The following FRMD5 variants were observed in gnomAD, a reference collection of about 807,000 sequenced individuals.
FRMD5 encodes the protein FERM domain-containing protein 5.
A neutral mutation model predicts 69.0 loss-of-function variants in FRMD5; 20 were observed. The observed-to-expected ratio is 0.29, with a 90% CI of 0.20 to 0.42. The LOEUF (loss-of-function observed/expected upper bound fraction) is 0.42. Among genes scored for constraint, FRMD5 ranks in the 10% least tolerant of loss-of-function variants. The pLI is 1.00. For synonymous variants in FRMD5, 271 were observed against 260.1 expected, an observed-to-expected ratio of 1.04 and a Z score of -0.40; for missense variants, 595 against 708.6, an observed-to-expected ratio of 0.84 and a Z score of 1.82.
Position 43,873,306 on chromosome 15 carries a change from A to C in FRMD5, c.*579T>G. ...GCAACTTTCCATTTAATCATTCTAC[A>C]TGGATGTTTACTTTTTTAAAAGTTC... On this transcript the variant is annotated 3_prime_UTR_variant, in exon 14 of 14. Transcript: ENST00000417257. The C allele has an allele frequency of 6.6e-7, 1 of 1,516,378 alleles. No homozygotes were observed. The highest frequency in any genetic ancestry group is 8.8e-7 in the Non-Finnish European group (1 of 1,136,454). The allele number at this position is 1,516,378 out of a possible 1,614,324, so 93.9% of individuals were successfully genotyped here.
intron 1 of FRMD5, among the ~76,000 whole-genome samples, chr15:43,965,691 C>G (rs528022423): frequency 1.3e-5 from 2 of 150,450 alleles, no homozygotes; most frequent in African/African-American, 4.9e-5. Context: ...AAGCGATTCT[C>G]CTGCCTCAGC....
At position 43,883,830 on chromosome 15, in the gene FRMD5, C is replaced by T. The variant is rs774832081; in HGVS notation, c.1029-21G>A. 4.4e-6 allele frequency: 7 copies of T among 1,584,078 alleles called. No individual in the cohort carries two copies. The Admixed American group carries it at 8.3e-5, about 19-fold the overall frequency. ...CTGCTCTGAGGTTAAAGAAAAAGAA[C>T]CTTGTTAATTCAGTGCATGGACACA... is the stretch of plus-strand genomic sequence containing the variant. On this transcript the variant is annotated intron_variant, in intron 12 of 13. Coordinates refer to ENST00000417257, the MANE Select transcript of FRMD5 (RefSeq NM_032892.5).
chr15:43,885,622 G>GT, intron 11 of FRMD5, 59 bp downstream of exon 11: 1 of 1,422,210 alleles, frequency 7.0e-7, no homozygotes, highest in Non-Finnish European at 1.0e-6. Flanking sequence ...GGACCACTGA[G>GT]TTCTCCAGAG....
At chr15:43,882,434 C>T (rs1480280780) in intron 13 of FRMD5, among the ~76,000 whole-genome samples, 1 of 152,142 alleles carries the variant, frequency 6.6e-6, no homozygotes, top group Non-Finnish European at 1.5e-5. Context: ...TCTCAGCTCA[C>T]TGCAACCTCC....
At chr15:43,914,970 G>A (rs917952465) in intron 4 of FRMD5, among the ~76,000 whole-genome samples, 11 of 151,958 alleles carry the variant, frequency 7.2e-5, no homozygotes, top group African/African-American at 2.4e-4. Context: ...CAGGTGATCC[G>A]CCCACCTCAG....
chr15:43,992,965 T>G (rs1036843280), intron 1 of FRMD5, among the ~76,000 whole-genome samples: 2 of 152,286 alleles, frequency 1.3e-5, no homozygotes, highest in East Asian at 3.9e-4. Context: ...TGTATTCTAT[T>G]TTTGTCTCAA....
At chr15:44,128,571 G>T (rs1045150878) in intron 1 of FRMD5, among the ~76,000 whole-genome samples, 3 of 152,130 alleles carry the variant, frequency 2.0e-5, no homozygotes, top group Non-Finnish European at 4.4e-5. Flanking sequence ...TATATGGTAG[G>T]CATACATCAC....
chr15:43,898,299 C>G (rs965474572), intron 7 of FRMD5, among the ~76,000 whole-genome samples: 1 of 152,132 alleles, frequency 6.6e-6, no homozygotes, highest in Non-Finnish European at 1.5e-5. Flanking sequence ...TTACCCAGTA[C>G]CTTTGGGCAT....
intron 1 of FRMD5, among the ~76,000 whole-genome samples, chr15:44,127,338 C>T (rs935336631): frequency 2.6e-5 from 4 of 152,200 alleles, no homozygotes; most frequent in African/African-American, 9.7e-5. Context: ...GTGATCTGCC[C>T]GCCTTGATGT....
chr15:44,172,838 A>G (rs557945677), intron 1 of FRMD5, among the ~76,000 whole-genome samples: 1 of 152,256 alleles, frequency 6.6e-6, no homozygotes, highest in Non-Finnish European at 1.5e-5. Context: ...TTAACCAGGA[A>G]GAAAAGGAAA....
At chr15:44,117,991 C>CTTTTTTTTTT (rs747747488) in intron 1 of FRMD5, among the ~76,000 whole-genome samples, 23 of 92,648 alleles carry the variant, frequency 2.5e-4, no homozygotes, top group African/African-American at 7.9e-4. Context: ...TTCTTTTTTA[C>CTTTTTTTTTT]TTTTTTTTTT....
chr15:43,963,348 C>T (rs1031833367), intron 1 of FRMD5, among the ~76,000 whole-genome samples: 9 of 152,134 alleles, frequency 5.9e-5, no homozygotes, highest in African/African-American at 2.2e-4. Context: ...AAATCAAAAC[C>T]ACAATGAGAT....
intron 1 of FRMD5, among the ~76,000 whole-genome samples, chr15:44,130,433 T>G (rs1418708545): frequency 6.6e-6 from 1 of 152,196 alleles, no homozygotes; most frequent in African/African-American, 2.4e-5. Flanking sequence ...GTGAGACACC[T>G]GGCTCACTAG....
intron 1 of FRMD5, among the ~76,000 whole-genome samples, chr15:44,026,442 A>G (rs1355574023): frequency 1.3e-5 from 2 of 152,168 alleles, no homozygotes; most frequent in African/African-American, 4.8e-5. Flanking sequence ...CTCATGTTCT[A>G]TCTAGTTTTT....
chr15:44,029,737 C>A (rs561358457), intron 1 of FRMD5, among the ~76,000 whole-genome samples: 1 of 152,252 alleles, frequency 6.6e-6, no homozygotes, highest in Non-Finnish European at 1.5e-5. Flanking sequence ...ATTAAAATTA[C>A]CTATCAGGCT....
chr15:44,192,421 C>T (rs2078212238), intron 1 of FRMD5, among the ~76,000 whole-genome samples: 1 of 152,250 alleles, frequency 6.6e-6, no homozygotes, highest in Admixed American at 6.5e-5. Flanking sequence ...AAAAATATGG[C>T]ATACAACACT....
intron 1 of FRMD5, among the ~76,000 whole-genome samples, chr15:44,073,406 T>C (rs1446643862): frequency 1.3e-5 from 2 of 152,206 alleles, no homozygotes; most frequent in Admixed American, 1.3e-4. Context: ...ATAAGTGCTG[T>C]AGCAAATGGA....
chr15:43,888,206 T>C lies in FRMD5; in HGVS notation c.853A>G (p.Lys285Glu). The C allele has an allele frequency of 6.2e-7, 1 of 1,614,066 alleles. No individual in the cohort carries two copies. Among genetic ancestry groups the C allele is most frequent in the Non-Finnish European group, 8.5e-7 (1 of 1,179,906 alleles). ...AAGGCTTGGTTCTCGATTCCACATT[T>C]CCAGAGGTGCTTACACGCTTCAGGA... is the stretch of plus-strand genomic sequence containing the variant. ...PTPEACKHLWKCGIENQAFYK... is the reference protein window; with the variant it reads ...PTPEACKHLWECGIENQAFYK... The change falls in exon 10 of 14, where the codon AAA (lysine) becomes GAA (glutamate). Residue 285 changes from lysine to glutamate, a missense_variant. Physicochemically the swap from Lys to Glu is moderately conservative, Grantham distance 56. Coordinates refer to ENST00000417257, the MANE Select transcript of FRMD5 (RefSeq NM_032892.5).
chr15:43,989,832 C>T, intron 1 of FRMD5: 2 of 1,031,578 alleles, frequency 1.9e-6, no homozygotes, highest in Non-Finnish European at 3.0e-6. Flanking sequence ...GGGTCATCTT[C>T]TTGTGGTTGG....
Sources: gnomAD v4.1 joint callset for allele counts (sites outside exome capture counted in the v4.1 genomes callset) on GRCh38, gnomAD v4.1.1 for gene constraint, MANE v1.5 for transcripts, NCBI Gene and HGNC (gene_info 2026-07-23, HGNC 2026-07-21) for gene names.